Variants in PRELID2 observed in about 807,000 individuals in gnomAD.
The protein encoded by PRELID2 is PRELI domain-containing protein 2.
Under a neutral mutation model 28.4 loss-of-function variants are expected in PRELID2, and 25 were observed. The observed-to-expected ratio is 0.88, with a 90% CI of 0.64 to 1.23. The LOEUF (loss-of-function observed/expected upper bound fraction) is 1.23. PRELID2 is among the 50% of genes most tolerant of loss of function. The pLI is 0.00. For synonymous variants in PRELID2, 76 were observed against 71.6 expected, an observed-to-expected ratio of 1.06 and a Z score of -0.31; for missense variants, 201 against 214.4, an observed-to-expected ratio of 0.94 and a Z score of 0.39.
At chr5:145,527,811 T>C (rs1005617435) in intron 1 of PRELID2, among the ~76,000 whole-genome samples, 4 of 152,270 alleles carry the variant, frequency 2.6e-5, no homozygotes, top group South Asian at 4.1e-4. Context: ...GATTTCATAA[T>C]AATTAAATGA....
At chr5:145,445,430 A>G in the PRELID2 span, among the ~76,000 whole-genome samples, 2 of 152,118 alleles carry the variant, frequency 1.3e-5, no homozygotes, top group Non-Finnish European at 2.9e-5. Context: ...AAACTACTAG[A>G]AGAAAACAGG....
the PRELID2 span, among the ~76,000 whole-genome samples, chr5:145,443,541 A>C: frequency 6.6e-6 from 1 of 152,134 alleles, no homozygotes; most frequent in South Asian, 2.1e-4. Context: ...TAAAGGAAGA[A>C]ACATTCTAAA....
chr5:145,641,589 G>C (rs941811487), intron 1 of PRELID2, among the ~76,000 whole-genome samples: 1 of 152,154 alleles, frequency 6.6e-6, no homozygotes, highest in African/African-American at 2.4e-5. Context: ...GTATACACTT[G>C]CCATGGTGGT....
intron 1 of PRELID2, among the ~76,000 whole-genome samples, chr5:145,584,111 A>T (rs1753131276): frequency 6.6e-6 from 1 of 152,150 alleles, no homozygotes; most frequent in East Asian, 1.9e-4. Context: ...ACGGAACAGA[A>T]TAGAGAGTTC....
chr5:145,396,551 A>G, the PRELID2 span, among the ~76,000 whole-genome samples: 1 of 151,900 alleles, frequency 6.6e-6, no homozygotes, highest in Non-Finnish European at 1.5e-5. Flanking sequence ...AGCCTAAAAT[A>G]TTTACTCTCT....
At chr5:145,553,408 C>T (rs2126683602) in intron 1 of PRELID2, among the ~76,000 whole-genome samples, 1 of 152,276 alleles carries the variant, frequency 6.6e-6, no homozygotes, top group South Asian at 2.1e-4. Flanking sequence ...GTGCTTAGTT[C>T]CACCCTGGCA....
chr5:145,834,495 G>A (rs934590622), intron 1 of PRELID2, among the ~76,000 whole-genome samples: 1 of 152,056 alleles, frequency 6.6e-6, no homozygotes, highest in Non-Finnish European at 1.5e-5. Flanking sequence ...ACCCACTTTC[G>A]ACTTCTGCTC....
intron 1 of PRELID2, among the ~76,000 whole-genome samples, chr5:145,659,057 A>T (rs1267079814): frequency 6.6e-6 from 1 of 152,200 alleles, no homozygotes; most frequent in Non-Finnish European, 1.5e-5. Context: ...CAGCAGAGGG[A>T]GCAAAGGAGA....
rs1757310926 is a variant in PRELID2 at position 145,757,993 on chromosome 5, A to T, written c.*2543T>A. Reference sequence around the variant, plus strand: ...TTAGAGGAGAGGCAGAATAAAACTTACATCCAGAGTACAAAAATGCAAATC... The same window carrying T: ...TTAGAGGAGAGGCAGAATAAAACTTTCATCCAGAGTACAAAAATGCAAATC... On this transcript the variant is annotated 3_prime_UTR_variant, in exon 7 of 7. Coordinates refer to ENST00000683046, the MANE Select transcript of PRELID2 (RefSeq NM_205846.3). Among the ~76,000 whole-genome samples the T allele has an allele frequency of 6.6e-6, 1 of 152,170 alleles. No homozygotes were observed. Among genetic ancestry groups the T allele is most frequent in the Non-Finnish European group, 1.5e-5 (1 of 68,028 alleles).
At chr5:145,490,254 C>T (rs1752257405) in intron 1 of PRELID2, among the ~76,000 whole-genome samples, 1 of 152,074 alleles carries the variant, frequency 6.6e-6, no homozygotes, top group Non-Finnish European at 1.5e-5. Flanking sequence ...TTTTTGTACT[C>T]TTGCATTTTA....
intron 4 of PRELID2, among the ~76,000 whole-genome samples, chr5:145,813,243 C>G (rs1358516808): frequency 6.6e-6 from 1 of 152,216 alleles, no homozygotes; most frequent in African/African-American, 2.4e-5. Flanking sequence ...CTAGCCATTA[C>G]TCTCAGATTT....
chr5:145,777,960 G>C (rs1366334462), intron 5 of PRELID2, among the ~76,000 whole-genome samples: 1 of 152,198 alleles, frequency 6.6e-6, no homozygotes, highest in East Asian at 1.9e-4. Context: ...GGCAGCAGGA[G>C]GCAGACAGGT....
intron 1 of PRELID2, among the ~76,000 whole-genome samples, chr5:145,576,669 A>ATG (rs1337808137): frequency 1.3e-4 from 16 of 120,118 alleles, no homozygotes; most frequent in African/African-American, 5.3e-4. Flanking sequence ...TGGTTATAGC[A>ATG]CAATAGTAAA....
intron 1 of PRELID2, among the ~76,000 whole-genome samples, chr5:145,693,184 T>A (rs1206628818): frequency 6.6e-6 from 1 of 151,840 alleles, no homozygotes; most frequent in East Asian, 1.9e-4. Flanking sequence ...GTCTGGCTCT[T>A]TTGCCCAGTC....
chr5:145,744,572 GC>G (rs1374652730), intron 1 of PRELID2, among the ~76,000 whole-genome samples: 2 of 152,136 alleles, frequency 1.3e-5, no homozygotes, highest in Non-Finnish European at 2.9e-5. Context: ...GATGAATAGG[GC>G]CTGAAGTGAA....
chr5:145,660,561 C>T (rs1754473579), intron 1 of PRELID2, among the ~76,000 whole-genome samples: 1 of 152,308 alleles, frequency 6.6e-6, no homozygotes, highest in South Asian at 2.1e-4. Flanking sequence ...AACAGCAGTG[C>T]TTTCTAAGCC....
At chr5:145,459,674 T>C in the PRELID2 span, among the ~76,000 whole-genome samples, 2 of 152,104 alleles carry the variant, frequency 1.3e-5, no homozygotes, top group Non-Finnish European at 2.9e-5. Context: ...CATTCTGAAA[T>C]GTACAATGAT....
At chr5:145,249,780 C>A in the PRELID2 span, among the ~76,000 whole-genome samples, 2,962 of 152,148 alleles carry the variant, frequency 0.019, 64 homozygotes, top group Admixed American at 0.075. Flanking sequence ...TATTATGATT[C>A]TTTACAGAAA....
chr5:145,420,097 T>C, the PRELID2 span, among the ~76,000 whole-genome samples: 1 of 152,110 alleles, frequency 6.6e-6, no homozygotes, highest in Non-Finnish European at 1.5e-5. Context: ...TATATCTCTG[T>C]TTTGGTACCA....
Sources: allele counts gnomAD v4.1 joint callset (sites outside exome capture counted in the v4.1 genomes callset), GRCh38; gene constraint gnomAD v4.1.1; transcripts MANE v1.5; gene names NCBI Gene and HGNC (gene_info 2026-07-23, HGNC 2026-07-21).